Variants in ABCB7 observed in about 807,000 individuals in gnomAD.
ABCB7 encodes the protein ATP binding cassette subfamily B member 7, also known as iron-sulfur clusters transporter ABCB7, mitochondrial.
ABCB7 carries 7 observed loss-of-function variants against 54.4 expected under a neutral mutation model. That is an observed-to-expected ratio of 0.13 (90% CI 0.07 to 0.24). ABCB7 has a LOEUF of 0.24. Among genes scored for constraint, ABCB7 ranks in the 10% least tolerant of loss-of-function variants. ABCB7 has a pLI of 1.00. For missense variants in ABCB7, 356 were observed against 570.4 expected (o/e 0.62, Z 3.83); for synonymous variants, 218 against 207.1 (o/e 1.05, Z -0.45).
chrX:75,057,931 T>A (rs191523038), intron 15 of ABCB7, among the ~76,000 whole-genome samples: 1 of 110,509 alleles, frequency 9.0e-6, no homozygotes, highest in East Asian at 2.8e-4. Flanking sequence ...ATGTTTTGAT[T>A]TTCAGTTAAT....
Position 75,153,760 on chromosome X carries a change from G to GTATATATATATATATATATATATATATA in ABCB7, c.168+2344_168+2345insTATATATATATATATATATATATATATA, listed in dbSNP as rs55904708. Among the ~76,000 whole-genome samples, 184 of 94,084 alleles carry GTATATATATATATATATATATATATATA rather than the reference G, an allele frequency of 2.0e-3. 4 individuals carry two copies. The highest frequency in any genetic ancestry group is 6.6e-3 in the African/African-American group (174 of 26,400). 81.7% of individuals were successfully genotyped at this position (94,084 alleles called of 115,157 possible). A position where few individuals can be genotyped will look rare whatever the true frequency, so the allele number is the denominator to read the frequency against. ...TGTGTGTGTGTGCGTGTGTGTGTGT[G>GTATATATATATATATATATATATATATA]TATATATATATATAAAATATATATG... On this transcript the variant is annotated intron_variant, in intron 1 of 15. Transcript: ENST00000373394.
intron 3 of ABCB7, among the ~76,000 whole-genome samples, chrX:75,109,924 G>T (rs781261807): frequency 8.9e-6 from 1 of 112,021 alleles, no homozygotes; most frequent in Admixed American, 9.4e-5. Context: ...GAGTTCAGTC[G>T]ATGTCTAAAA....
At chrX:75,118,616 C>T (rs1449935555) in intron 1 of ABCB7, among the ~76,000 whole-genome samples, 8 of 111,335 alleles carry the variant, frequency 7.2e-5, no homozygotes, top group Admixed American at 5.7e-4. Flanking sequence ...ATTCCATTAT[C>T]TGATATTTTT....
At chrX:75,132,171 C>T (rs2081979351) in intron 1 of ABCB7, among the ~76,000 whole-genome samples, 2 of 112,214 alleles carry the variant, frequency 1.8e-5, no homozygotes, top group African/African-American at 3.2e-5. Context: ...GCCTCTGCCA[C>T]TGCTACTACA....
rs2082175567 is a variant in ABCB7, at chrX:75,156,197, T to A, written c.76A>T (p.Ile26Phe). 8.3e-7 allele frequency: 1 copy of A among 1,205,716 alleles called. No individual in the cohort carries two copies. The highest frequency in any genetic ancestry group is 1.7e-5 in the African/African-American group (1 of 57,706). Reference sequence around the variant, plus strand: ...ACAGAGACTAAAGGCCGGATCAGAATCGCGGAGTGCCGGCGCTTTTCGAAA... The same window carrying A: ...ACAGAGACTAAAGGCCGGATCAGAAACGCGGAGTGCCGGCGCTTTTCGAAA... ...AAFEKRRHSA[I>F]LIRPLVSVSG... Residue 26 changes from isoleucine (I) to phenylalanine (F), a missense_variant, in exon 1 of 16, where the codon ATT (isoleucine) becomes TTT (phenylalanine). Physicochemically the swap from Ile to Phe is conservative, Grantham distance 21 (BLOSUM62 0). Transcript: ENST00000373394.
At chrX:75,121,105 A>T (rs1294938475) in intron 1 of ABCB7, among the ~76,000 whole-genome samples, 1 of 109,748 alleles carries the variant, frequency 9.1e-6, no homozygotes, top group African/African-American at 3.3e-5. Context: ...CCTGGCCAAC[A>T]TGACGAAACC....
chrX:75,099,718 A>G (rs2081622714), intron 3 of ABCB7, among the ~76,000 whole-genome samples: 1 of 111,094 alleles, frequency 9.0e-6, no homozygotes, highest in South Asian at 3.8e-4. Context: ...GCAGAATATT[A>G]AGAATAAAAA....
intron 4 of ABCB7, among the ~76,000 whole-genome samples, chrX:75,094,050 A>ATATC (rs201456786): frequency 3.9e-4 from 8 of 20,482 alleles, no homozygotes; most frequent in Admixed American, 1.0e-3. Context: ...ATATATATAT[A>ATATC]TATCTATCTT....
chrX:75,074,082 C>T (rs1329093295), intron 6 of ABCB7, 126 bp from the exon 7 acceptor site: 49 of 549,091 alleles, frequency 8.9e-5, no homozygotes, highest in East Asian at 2.5e-4. Context: ...AAGTTATGTA[C>T]GTGAATGATG....
At chrX:75,060,448 T>A in intron 14 of ABCB7, 118 bp from the exon 15 acceptor site, 1 of 557,952 alleles carries the variant, frequency 1.8e-6, no homozygotes, top group East Asian at 3.7e-5. Context: ...AGTTTTTTTT[T>A]AGTATGTAAC....
At chrX:75,131,141 GAA>G (rs886750066) in intron 1 of ABCB7, among the ~76,000 whole-genome samples, 2 of 109,289 alleles carry the variant, frequency 1.8e-5, no homozygotes, top group Non-Finnish European at 3.8e-5. Flanking sequence ...AGAAAAAATA[GAA>G]AAGTTATTTT....
chrX:75,117,029 A>G (rs1349053502), intron 1 of ABCB7, among the ~76,000 whole-genome samples: 1 of 111,453 alleles, frequency 9.0e-6, no homozygotes, highest in Non-Finnish European at 1.9e-5. Context: ...CTTGCTTAGC[A>G]CATAATCAAG....
intron 1 of ABCB7, among the ~76,000 whole-genome samples, chrX:75,136,492 C>A (rs1007764296): frequency 8.1e-5 from 9 of 111,446 alleles, no homozygotes; most frequent in African/African-American, 2.9e-4. Context: ...AAAAAACATT[C>A]TAAAATTAAT....
Position 75,098,444 on chromosome X carries a change from G to C in ABCB7, c.453+498C>G, listed in dbSNP as rs149969517. Among the ~76,000 whole-genome samples, 977 of 111,584 alleles carry C rather than the reference G, an allele frequency of 8.8e-3. 5 individuals are homozygous for C. The highest frequency in any genetic ancestry group is 0.014 in the Non-Finnish European group (742 of 52,998). ...CTGAGAAGGCTGCTGAAATGCAGAG[G>C]GCTCCTATACTGAACGTACCAAAAC... is the stretch of plus-strand genomic sequence containing the variant. On this transcript the variant is annotated intron_variant, in intron 4 of 15. Transcript: ENST00000373394.
chrX:75,073,077 T>C (rs1157484483), intron 8 of ABCB7, among the ~76,000 whole-genome samples: 1 of 110,599 alleles, frequency 9.0e-6, no homozygotes, highest in Admixed American at 9.7e-5. Context: ...GGCAATAACA[T>C]GCATGGAGCT....
intron 1 of ABCB7, among the ~76,000 whole-genome samples, chrX:75,147,931 C>T (rs1261207255): frequency 9.0e-6 from 1 of 111,416 alleles, no homozygotes; most frequent in African/African-American, 3.3e-5. Flanking sequence ...GCCTGGCCAA[C>T]ATGGCGAAAC....
intron 1 of ABCB7, among the ~76,000 whole-genome samples, chrX:75,115,728 G>A (rs2081810689): frequency 9.2e-6 from 1 of 108,426 alleles, no homozygotes; most frequent in Admixed American, 1.0e-4. Context: ...CCTGGCCAAG[G>A]GGACCCCAAA....
At chrX:75,107,138 C>G (rs1298259352) in intron 3 of ABCB7, among the ~76,000 whole-genome samples, 1 of 111,219 alleles carries the variant, frequency 9.0e-6, no homozygotes, top group African/African-American at 3.3e-5. Context: ...AGAAACAGGA[C>G]GAAACTCAGC....
At chrX:75,138,085 CT>C (rs757048156) in intron 1 of ABCB7, among the ~76,000 whole-genome samples, 49 of 111,395 alleles carry the variant, frequency 4.4e-4, no homozygotes, top group Non-Finnish European at 8.3e-4. Context: ...ACAAAAAATG[CT>C]CAATACCATT....
Sources: gnomAD v4.1 joint callset for allele counts (sites outside exome capture counted in the v4.1 genomes callset) on GRCh38, gnomAD v4.1.1 for gene constraint, MANE v1.5 for transcripts, NCBI Gene and HGNC (gene_info 2026-07-23, HGNC 2026-07-21) for gene names.